Variants in PDPK1 observed in about 807,000 individuals in gnomAD.
The protein encoded by PDPK1 is 3-phosphoinositide-dependent protein kinase 1.
In PDPK1, 7 loss-of-function variants were observed where a neutral mutation model predicts 39.8. The ratio of observed to expected loss-of-function variants is 0.18; its 90% CI spans 0.10 to 0.33. The LOEUF (loss-of-function observed/expected upper bound fraction) is 0.33. Ranked by LOEUF, PDPK1 falls within the 10% of genes least tolerant of loss-of-function variation. PDPK1 has a pLI of 1.00. For synonymous variants in PDPK1, 118 were observed against 159.1 expected (o/e 0.74, Z 1.95); for missense variants, 182 against 384.7 (o/e 0.47, Z 4.41).
At position 2,598,777 on chromosome 16, in the gene PDPK1, CA is replaced by C. The variant is rs571502069; in HGVS notation, c.*1011del. 4.3e-6 allele frequency: 1 copy of C among 233,220 alleles called. No homozygotes were observed. The highest frequency in any genetic ancestry group is 8.5e-6 in the Non-Finnish European group (1 of 118,098). The allele number at this position is 233,220 out of a possible 1,614,324, so 14.4% of individuals were successfully genotyped here. On this transcript the variant is annotated 3_prime_UTR_variant, in exon 14 of 14. Coordinates refer to ENST00000342085, the MANE Select transcript of PDPK1 (RefSeq NM_002613.5). The stretch of plus-strand genomic sequence containing the variant: ...GGGTCTGAGAGAACCCTGGCATCAG[CA>C]GACCCAGGGTGCTTCTGTCTCCTGC...
At position 2,560,395 on chromosome 16, in the gene PDPK1, C is replaced by T. The variant is rs2066583564; in HGVS notation, c.286-1085C>T. Among the ~76,000 whole-genome samples, 3 of 148,248 alleles carry T rather than the reference C, an allele frequency of 2.0e-5. No homozygotes were observed. In the South Asian group the frequency reaches 6.3e-4, roughly 31 times the overall value. On this transcript the variant is annotated intron_variant, in intron 2 of 13. Transcript: ENST00000342085. Reference sequence around the variant, plus strand: ...GCAGCTGAGAGCCATCCATGCGTGGCGTATTCCTCTGGGAAGACCTTGAGT... The same window carrying T: ...GCAGCTGAGAGCCATCCATGCGTGGTGTATTCCTCTGGGAAGACCTTGAGT...
intron 1 of PDPK1, chr16:2,538,345 G>A (rs917914876): frequency 1.0e-5 from 4 of 394,904 alleles, no homozygotes; most frequent in African/African-American, 2.1e-5. Context: ...TGCGGCGGGC[G>A]GCGGCCTGGC....
chr16:2,576,708 GTCC>G (rs1334979388), intron 6 of PDPK1: 1 of 153,898 alleles, frequency 6.5e-6, no homozygotes, highest in Non-Finnish European at 1.4e-5. Context: ...GCCTCGAGCA[GTCC>G]TCCTGCCTTG....
chr16:2,578,163 G>C (rs1434833019), intron 7 of PDPK1, among the ~76,000 whole-genome samples: 1 of 147,990 alleles, frequency 6.8e-6, no homozygotes, highest in Non-Finnish European at 1.5e-5. Flanking sequence ...CGGGTTGCTC[G>C]GCCACACACC....
intron 10 of PDPK1, among the ~76,000 whole-genome samples, chr16:2,584,910 G>C (rs556071448): frequency 3.9e-5 from 6 of 152,238 alleles, no homozygotes; most frequent in Non-Finnish European, 7.3e-5. Flanking sequence ...GTGCCACTCA[G>C]CTGCTCCTGC....
In PDPK1 at chr16:2,593,483, C is replaced by T. The variant is rs1168568147; in HGVS notation, c.1344-2310C>T. ...TTCTCGCTCTCAGCCAGGAAGGCGG[C>T]CCCTCCCACACAGGTTGCAGGGATG... On this transcript the variant is annotated intron_variant, in intron 11 of 13. Coordinates refer to ENST00000342085, the MANE Select transcript of PDPK1 (RefSeq NM_002613.5). This position sits in a 1 kb window ranked among gnomAD's most constrained non-coding sequence, Gnocchi z 4.2. 3 of 222,684 alleles carry T rather than the reference C, an allele frequency of 1.3e-5. No homozygotes were observed. The highest frequency in any genetic ancestry group is 5.6e-5 in the South Asian group (1 of 17,996). 13.8% of individuals were successfully genotyped at this position (222,684 alleles called of 1,614,324 possible).
chr16:2,589,950 T>C (rs1294253270), intron 11 of PDPK1, among the ~76,000 whole-genome samples: 5 of 152,218 alleles, frequency 3.3e-5, no homozygotes, highest in African/African-American at 1.2e-4. Flanking sequence ...CATCCTGTGC[T>C]GCCACAGTCC....
Position 2,603,077 on chromosome 16 carries a change from ATC to A in PDPK1, c.*5312_*5313del, listed in dbSNP as rs1328516278. 2 of 227,602 alleles carry A rather than the reference ATC, an allele frequency of 8.8e-6. No individual in the cohort carries two copies. The highest frequency in any genetic ancestry group is 4.5e-5 in the African/African-American group (2 of 44,540). The allele number at this position is 227,602 out of a possible 1,614,324, so 14.1% of individuals were successfully genotyped here. A position where few individuals can be genotyped will look rare whatever the true frequency, so the allele number is the denominator to read the frequency against. ...GTGATTTAATCATATAATTTAATGAATCTGTTTATCCTTTTTTTTTTTCCAAA... is the reference window on the plus strand; with the variant it reads ...GTGATTTAATCATATAATTTAATGAATGTTTATCCTTTTTTTTTTTCCAAA... On this transcript the variant is annotated 3_prime_UTR_variant, in exon 14 of 14. Coordinates refer to ENST00000342085, the MANE Select transcript of PDPK1 (RefSeq NM_002613.5).
At chr16:2,585,194 C>T (rs1050099546) in intron 10 of PDPK1, among the ~76,000 whole-genome samples, 9 of 152,236 alleles carry the variant, frequency 5.9e-5, no homozygotes, top group Non-Finnish European at 1.3e-4. Flanking sequence ...CCTGGGCCTA[C>T]TGAGAGCTGG....
At chr16:2,596,438 C>T (rs1056757013) in intron 12 of PDPK1, among the ~76,000 whole-genome samples, 1 of 152,176 alleles carries the variant, frequency 6.6e-6, no homozygotes, top group African/African-American at 2.4e-5. Context: ...TCGTGATCCA[C>T]CCGTCTCAGC....
chr16:2,586,571 G>T, intron 10 of PDPK1, 105 bp from the exon 11 acceptor site: 1 of 938,216 alleles, frequency 1.1e-6, no homozygotes, highest in South Asian at 1.5e-5. Context: ...GCCTTGCTGT[G>T]TGCGAGCTCC....
At chr16:2,559,926 C>T (rs1327575116) in intron 2 of PDPK1, among the ~76,000 whole-genome samples, 1 of 151,590 alleles carries the variant, frequency 6.6e-6, no homozygotes, top group Non-Finnish European at 1.5e-5. Flanking sequence ...ATCCACAGTA[C>T]TGGGTCTCAG....
chr16:2,596,578 C>T (rs1207859907), intron 12 of PDPK1, among the ~76,000 whole-genome samples: 2 of 152,192 alleles, frequency 1.3e-5, no homozygotes, highest in Admixed American at 6.5e-5. Context: ...TGGATGTGCT[C>T]AGGTATTTAT....
At position 2,538,070 on chromosome 16, in the gene PDPK1, C is replaced by T; in HGVS notation, c.-43C>T. The T allele has an allele frequency of 1.0e-6, 1 of 985,798 alleles. No individual in the cohort carries two copies. Among genetic ancestry groups the T allele is most frequent in the Non-Finnish European group, 1.2e-6 (1 of 817,512 alleles). 61.1% of individuals were successfully genotyped at this position (985,798 alleles called of 1,614,324 possible). A position where few individuals can be genotyped will look rare whatever the true frequency, so the allele number is the denominator to read the frequency against. On this transcript the variant is annotated 5_prime_UTR_variant, in exon 1 of 14. Transcript: ENST00000342085. The stretch of plus-strand genomic sequence containing the variant: ...GGAGGACGCTGAGGAGGCGCCGAGC[C>T]GCGCAGCGCTGCGGGGGAGGCGCCC...
intron 1 of PDPK1, among the ~76,000 whole-genome samples, chr16:2,545,563 C>T (rs780704075): frequency 1.3e-5 from 2 of 151,546 alleles, no homozygotes; most frequent in African/African-American, 2.4e-5. Context: ...GGTGTGATGT[C>T]GGCTCACTGT....
Position 2,599,860 on chromosome 16 carries a change from G to A in PDPK1, c.*2093G>A, listed in dbSNP as rs1567175230. On this transcript the variant is annotated 3_prime_UTR_variant, in exon 14 of 14. Transcript: ENST00000342085. Reference sequence around the variant, plus strand: ...TGGAGCACTCGGCTGGGCTGCTTGGGGAGACTCTTCCGTGCGTTCTTCCTC... The same window carrying A: ...TGGAGCACTCGGCTGGGCTGCTTGGAGAGACTCTTCCGTGCGTTCTTCCTC... 4.3e-6 allele frequency: 1 copy of A among 233,894 alleles called. No homozygotes were observed. Among genetic ancestry groups the A allele is most frequent in the Non-Finnish European group, 8.4e-6 (1 of 118,512 alleles). The allele number at this position is 233,894 out of a possible 1,614,324, so 14.5% of individuals were successfully genotyped here. A position where few individuals can be genotyped will look rare whatever the true frequency, so the allele number is the denominator to read the frequency against.
rs532181910 is a variant in PDPK1 at position 2,599,965 on chromosome 16, C to T, written c.*2198C>T. On this transcript the variant is annotated 3_prime_UTR_variant, in exon 14 of 14. Transcript: ENST00000342085. ...AAGCCACAGAACTAGGGGCTCAGAG[C>T]CAGAGCTGGCAGCCGCCAGCCAAAA... is the stretch of plus-strand genomic sequence containing the variant. 3.3e-4 allele frequency: 77 copies of T among 233,336 alleles called. 1 individual carries two copies. The East Asian group carries it at 4.3e-3, about 13-fold the overall frequency. The allele number at this position is 233,336 out of a possible 1,614,324, so 14.5% of individuals were successfully genotyped here.
chr16:2,540,511 G>C (rs960054565), intron 1 of PDPK1, among the ~76,000 whole-genome samples: 91 of 152,302 alleles, frequency 6.0e-4, no homozygotes, highest in Admixed American at 7.2e-4. Context: ...CCCTGAGGGA[G>C]GGTCTGCCGG....
chr16:2,593,910 A>C lies in PDPK1; in HGVS notation c.1344-1883A>C, dbSNP rs1169196130. On this transcript the variant is annotated intron_variant, in intron 11 of 13. Coordinates refer to ENST00000342085, the MANE Select transcript of PDPK1 (RefSeq NM_002613.5). This position sits in a 1 kb window ranked among gnomAD's most constrained non-coding sequence, Gnocchi z 4.2. ...TCCTTGATCTGTTTCTCTTTGTTTT[A>C]ATACCCACATTGTGTGTGTTTGCAG... 1 of 152,160 alleles carries C rather than the reference A, an allele frequency of 6.6e-6. No individual in the cohort carries two copies. The highest frequency in any genetic ancestry group is 1.5e-5 in the Non-Finnish European group (1 of 68,076). 9.4% of individuals were successfully genotyped at this position (152,160 alleles called of 1,614,324 possible).
Sources: allele counts gnomAD v4.1 joint callset (sites outside exome capture counted in the v4.1 genomes callset), GRCh38; gene constraint gnomAD v4.1.1; non-coding constraint Gnocchi (gnomAD v3.1); transcripts MANE v1.5; gene names NCBI Gene and HGNC (gene_info 2026-07-23, HGNC 2026-07-21).